The following ALOX15B variants were observed in gnomAD, a reference collection of about 807,000 sequenced individuals.
The protein encoded by ALOX15B is polyunsaturated fatty acid lipoxygenase ALOX15B.
ALOX15B carries 74 observed loss-of-function variants against 73.8 expected under a neutral mutation model. The observed-to-expected ratio is 1.00, with a 90% CI of 0.83 to 1.22. The LOEUF (loss-of-function observed/expected upper bound fraction) is 1.22. Ranked by LOEUF, ALOX15B falls within the 50% of genes most tolerant of loss-of-function variation. The pLI is 0.00. For missense variants in ALOX15B, 896 were observed against 859.9 expected, an observed-to-expected ratio of 1.04 and a Z score of -0.52; for synonymous variants, 353 against 357.2, an observed-to-expected ratio of 0.99 and a Z score of 0.13.
rs1555638479 is a variant in ALOX15B at position 8,040,632 on chromosome 17, A to AAAGAAAGG, written c.449+656_449+657insGAAGAAAG. Among the ~76,000 whole-genome samples the AAAGAAAGG allele has an allele frequency of 3.1e-5, 4 of 131,014 alleles. No individual in the cohort carries two copies. In the East Asian group the frequency reaches 9.4e-4, roughly 31 times the overall value. The allele number at this position is 131,014 out of a possible 152,430, so 86.0% of individuals were successfully genotyped here. A position where few individuals can be genotyped will look rare whatever the true frequency, so the allele number is the denominator to read the frequency against. ...GAAAGAAAGAAAGAAAGAAAGAAAG[A>AAAGAAAGG]AAGAAAGAAAGAAAGAAAGAAAAGA... On this transcript the variant is annotated intron_variant, in intron 3 of 13. Coordinates refer to ENST00000380183, the MANE Select transcript of ALOX15B (RefSeq NM_001141.3).
At chr17:8,044,803 G>A (rs552734608) in intron 5 of ALOX15B, 26 bp from the exon 6 acceptor site, 247 of 720,644 alleles carry the variant, frequency 3.4e-4, no homozygotes, top group Non-Finnish European at 4.7e-4. Context: ...GAGTGACCCC[G>A]TTCCCCTGTC....
In ALOX15B at chr17:8,047,676, C is replaced by A. The variant is rs369063881; in HGVS notation, c.1680+12C>A. On this transcript the variant is annotated intron_variant, in intron 12 of 13. Transcript: ENST00000380183. The stretch of plus-strand genomic sequence containing the variant: ...TCAGTGCAGGGCAGGTGAGGAAAGG[C>A]CAGCGCCCGAGGTGGCAGGCTGGAG... 22 of 1,612,740 alleles carry A rather than the reference C, an allele frequency of 1.4e-5. 1 individual carries two copies. In the African/African-American group the frequency reaches 2.5e-4, roughly 19 times the overall value.
rs747566368 is a variant in ALOX15B, at chr17:8,039,454, G to T, written c.216G>T (p.Ala72=). Residue 72 remains alanine (A), a synonymous_variant, in exon 2 of 14, where the codon GCG becomes GCT. Transcript: ENST00000380183. ...TGCTGCTGCTGCGCGTGCACAAGGC[G>T]CCCCCAGTGCTGCCCCTGCTGGGGC... ...GRVLLLRVHK[A]PPVLPLLGPL... is the part of the protein sequence containing the mutation. 6.2e-7 allele frequency: 1 copy of T among 1,607,322 alleles called. No individual in the cohort carries two copies. Among genetic ancestry groups the T allele is most frequent in the Non-Finnish European group, 8.5e-7 (1 of 1,177,740 alleles).
intron 5 of ALOX15B, among the ~76,000 whole-genome samples, chr17:8,043,499 C>T (rs995345933): frequency 1.1e-4 from 17 of 152,166 alleles, no homozygotes; most frequent in Admixed American, 2.0e-4. Context: ...GGAAGGTGCA[C>T]GGGGGTCGCA....
chr17:8,040,102 CTGGGAT>C, intron 3 of ALOX15B, 119 bp downstream of exon 3: 1 of 940,796 alleles, frequency 1.1e-6, no homozygotes, highest in Non-Finnish European at 1.6e-6. Flanking sequence ...AAAGCTGCTC[CTGGGAT>C]CAGCAGCGTC....
intron 5 of ALOX15B, among the ~76,000 whole-genome samples, chr17:8,043,152 G>A (rs1976507713): frequency 1.3e-5 from 2 of 152,224 alleles, no homozygotes; most frequent in African/African-American, 4.8e-5. Flanking sequence ...GGGGCTCACA[G>A]TTGAGCAGGC....
chr17:8,044,400 C>T (rs1206725169), intron 5 of ALOX15B, among the ~76,000 whole-genome samples: 6 of 129,072 alleles, frequency 4.6e-5, no homozygotes, highest in Non-Finnish European at 9.5e-5. Flanking sequence ...CCAGCCTGGG[C>T]AACACAGCGA....
chr17:8,046,718 G>C lies in ALOX15B; in HGVS notation c.1251G>C (p.Arg417=), dbSNP rs146394395. Residue 417 remains arginine, a synonymous_variant, in exon 9 of 14, where the codon CGG becomes CGC. Transcript: ENST00000380183. ...CCCTGCACATCAACACACTCGCCCG[G>C]GAGCTGCTTATCGTGCCAGGGCAGG... The part of the protein sequence containing the change: ...RYTLHINTLA[R]ELLIVPGQVV... 1 of 1,613,762 alleles carries C rather than the reference G, an allele frequency of 6.2e-7. No homozygotes were observed. Among genetic ancestry groups the C allele is most frequent in the East Asian group, 2.2e-5 (1 of 44,874 alleles).
intron 3 of ALOX15B, among the ~76,000 whole-genome samples, chr17:8,040,642 A>AGAAC (rs1976432568): frequency 7.7e-6 from 1 of 130,406 alleles, no homozygotes; most frequent in African/African-American, 2.6e-5. Context: ...AAAGAAAGAA[A>AGAAC]GAAAGAAAGA....
chr17:8,047,708 C>T (rs1229812447), intron 12 of ALOX15B, 37 bp from the exon 13 acceptor site: 2 of 1,613,748 alleles, frequency 1.2e-6, no homozygotes, highest in African/African-American at 2.7e-5. Context: ...GGAGGTGACC[C>T]AGCTCCTCAG....
At chr17:8,048,219 G>A (rs1300086723) in intron 13 of ALOX15B, among the ~76,000 whole-genome samples, 167 bp from the exon 14 acceptor site, 1 of 152,230 alleles carries the variant, frequency 6.6e-6, no homozygotes, top group Non-Finnish European at 1.5e-5. Flanking sequence ...CTGTTTAAGA[G>A]GAGGGACATG....
chr17:8,042,625 C>G, intron 4 of ALOX15B, 134 bp downstream of exon 4: 1 of 1,401,906 alleles, frequency 7.1e-7, no homozygotes, highest in Admixed American at 1.9e-5. Flanking sequence ...AGCCTCCTTC[C>G]CACTACCAAT....
chr17:8,042,305 A>T, intron 3 of ALOX15B, 64 bp from the exon 4 acceptor site: 1 of 1,588,858 alleles, frequency 6.3e-7, no homozygotes, highest in South Asian at 1.1e-5. Context: ...CTGCCACTCC[A>T]TCTGCCCTAG....
At position 8,044,847 on chromosome 17, in the gene ALOX15B, G is replaced by A. The variant is rs1976560682; in HGVS notation, c.695G>A (p.Trp232Ter). The A allele has an allele frequency of 1.9e-6, 3 of 1,607,884 alleles. No homozygotes were observed. Among genetic ancestry groups the A allele is most frequent in the Middle Eastern group, 1.7e-4 (1 of 6,046 alleles). Residue 232 changes from tryptophan (W) to a stop codon, truncating the protein, a stop_gained, in exon 6 of 14, where the codon TGG (tryptophan) becomes TAG (stop). Transcript: ENST00000380183. LOFTEE classifies it high-confidence loss of function. ...TPAAEHAFEHWQEDAFFASQF... is the reference protein window; with the variant it reads ...TPAAEHAFEH ...CCTGCAGAGCACGCATTTGAGCACT[G>A]GCAGGAGGACGCCTTCTTCGCCTCC...
intron 5 of ALOX15B, among the ~76,000 whole-genome samples, chr17:8,044,259 C>T (rs915773734): frequency 6.6e-6 from 1 of 151,382 alleles, no homozygotes; most frequent in African/African-American, 2.4e-5. Context: ...CTGTCTCTAC[C>T]AAAAAGACAA....
Position 8,039,094 on chromosome 17 carries a change from C to G in ALOX15B, c.-62C>G. On this transcript the variant is annotated 5_prime_UTR_variant, in exon 1 of 14. Transcript: ENST00000380183. ...ACCAGGGGCAATAACCAGGCGTGTC[C>G]CAGGGGGGAGCCCCGCTCTGCAGCC... The G allele has an allele frequency of 6.4e-7, 1 of 1,569,440 alleles. No homozygotes were observed. Among genetic ancestry groups the G allele is most frequent in the Non-Finnish European group, 8.6e-7 (1 of 1,160,894 alleles).
intron 3 of ALOX15B, 126 bp downstream of exon 3, chr17:8,040,109 C>A (rs888530603): frequency 3.5e-6 from 3 of 861,370 alleles, no homozygotes; most frequent in East Asian, 2.6e-5. Flanking sequence ...CTCCTGGGAT[C>A]AGCAGCGTCT....
chr17:8,046,289 G>A (rs2072686), intron 8 of ALOX15B, among the ~76,000 whole-genome samples: 16,202 of 152,228 alleles, frequency 0.11, 1,013 homozygotes, highest in East Asian at 0.22. Flanking sequence ...GAGGCCTGGC[G>A]CTCAGAGGTG....
Position 8,048,812 on chromosome 17 carries a change from C to A in ALOX15B, c.*247C>A. 2.4e-6 allele frequency: 1 copy of A among 416,812 alleles called. No individual in the cohort carries two copies. The highest frequency in any genetic ancestry group is 4.2e-6 in the Non-Finnish European group (1 of 238,720). The allele number at this position is 416,812 out of a possible 1,614,324, so 25.8% of individuals were successfully genotyped here. On this transcript the variant is annotated 3_prime_UTR_variant, in exon 14 of 14. Coordinates refer to ENST00000380183, the MANE Select transcript of ALOX15B (RefSeq NM_001141.3). ...ACAGAACCACTGAGTCTTTTGGAGG[C>A]TCCAAGCCTCAAAGTGCCCGCAGAG... is the stretch of plus-strand genomic sequence containing the variant.
Sources: allele counts gnomAD v4.1 joint callset (sites outside exome capture counted in the v4.1 genomes callset), GRCh38; gene constraint gnomAD v4.1.1; transcripts MANE v1.5; gene names NCBI Gene and HGNC (gene_info 2026-07-23, HGNC 2026-07-21).